TRAF3IP1: variants seen among roughly 807,000 people sequenced by gnomAD.
TRAF3IP1 encodes the protein intraflagellar transport 54.
Under a neutral mutation model 89.9 loss-of-function variants are expected in TRAF3IP1, and 53 were observed. The ratio of observed to expected loss-of-function variants is 0.59; its 90% CI spans 0.47 to 0.74. The LOEUF (loss-of-function observed/expected upper bound fraction) is 0.74. Ranked by LOEUF, TRAF3IP1 falls within the 30% of genes least tolerant of loss-of-function variation. The pLI is 0.00. For synonymous variants in TRAF3IP1, 311 were observed against 322.1 expected (o/e 0.97, Z 0.37); for missense variants, 806 against 866.1 (o/e 0.93, Z 0.87).
rs1294126318 is a variant in TRAF3IP1, at chr2:238,365,681, T to A, written c.1689+9601T>A. Reference sequence around the variant, plus strand: ...CAAAAAAATAAAATAAAAATAAAAATAAATAAATAAATAAAAATAAAAAGA... The same window carrying A: ...CAAAAAAATAAAATAAAAATAAAAAAAAATAAATAAATAAAAATAAAAAGA... On this transcript the variant is annotated intron_variant, in intron 15 of 16. Coordinates refer to ENST00000373327, the MANE Select transcript of TRAF3IP1 (RefSeq NM_015650.4). 7.3e-5 allele frequency among the ~76,000 whole-genome samples: 11 copies of A among 151,386 alleles called. No homozygotes were observed. In the East Asian group the frequency reaches 2.1e-3, roughly 29 times the overall value.
At chr2:238,343,646 CTTTTTTTT>C (rs34626636) in intron 8 of TRAF3IP1, among the ~76,000 whole-genome samples, 1 of 113,444 alleles carries the variant, frequency 8.8e-6, no homozygotes, top group Non-Finnish European at 1.8e-5. Context: ...TGTGCTTGGC[CTTTTTTTT>C]TTTTTTTTTT....
chr2:238,350,076 A>G (rs777729786), intron 12 of TRAF3IP1, among the ~76,000 whole-genome samples: 1 of 152,218 alleles, frequency 6.6e-6, no homozygotes, highest in Non-Finnish European at 1.5e-5. Context: ...CTCAAAAAAA[A>G]AAATAAAGTC....
At position 238,338,380 on chromosome 2, in the gene TRAF3IP1, T is replaced by C. The variant is rs78259781; in HGVS notation, c.1082T>C (p.Ile361Thr). 212 of 1,581,684 alleles carry C rather than the reference T, an allele frequency of 1.3e-4. 1 individual carries two copies. The African/African-American group carries it at 2.6e-3, about 19-fold the overall frequency. Residue 361 changes from isoleucine to threonine, a missense_variant, in exon 8 of 17, where the codon ATT becomes ACT. Coordinates refer to ENST00000373327, the MANE Select transcript of TRAF3IP1 (RefSeq NM_015650.4). The stretch of plus-strand genomic sequence containing the variant: ...ATGTCAGGAAGGAAGGAGGATAATA[T>C]TTCAGCTAAAAGTTTAGACTCCATA... ...NSVEGRKEDN[I>T]SAKSLDSIVS...
chr2:238,398,681 C>G, intron 16 of TRAF3IP1, 73 bp from the exon 17 acceptor site: 1 of 1,372,064 alleles, frequency 7.3e-7, no homozygotes, highest in East Asian at 2.5e-5. Flanking sequence ...TGTTGTCTTT[C>G]AATGTCTTAA....
intron 15 of TRAF3IP1, among the ~76,000 whole-genome samples, chr2:238,385,046 C>T (rs766437179): frequency 1.3e-5 from 2 of 151,816 alleles, no homozygotes; most frequent in Non-Finnish European, 2.9e-5. Flanking sequence ...GATGGACTCT[C>T]GCTCTGTCCC....
At chr2:238,384,547 TTTTTTTTTTTGTA>T (rs1700684719) in intron 15 of TRAF3IP1, among the ~76,000 whole-genome samples, 1 of 151,008 alleles carries the variant, frequency 6.6e-6, no homozygotes, top group African/African-American at 2.4e-5. Flanking sequence ...TAATTTTTTT[TTTTTTTTTTTGTA>T]TTTTTTTTTT....
intron 15 of TRAF3IP1, among the ~76,000 whole-genome samples, chr2:238,395,073 A>G (rs1229933247): frequency 6.6e-6 from 1 of 152,184 alleles, no homozygotes; most frequent in Non-Finnish European, 1.5e-5. Context: ...GGCTTCCTAA[A>G]GAAACAGTGT....
chr2:238,370,949 G>A (rs1700084136), intron 15 of TRAF3IP1, among the ~76,000 whole-genome samples: 1 of 152,166 alleles, frequency 6.6e-6, no homozygotes, highest in Non-Finnish European at 1.5e-5. Context: ...CTAACACCAG[G>A]GGGTGCTTTA....
At position 238,351,168 on chromosome 2, in the gene TRAF3IP1, AGT is replaced by A. The variant is rs2106324606; in HGVS notation, c.1452-1655_1452-1654del. Among the ~76,000 whole-genome samples the A allele has an allele frequency of 6.6e-6, 1 of 151,980 alleles. No individual in the cohort carries two copies. The highest frequency in any genetic ancestry group is 2.4e-5 in the African/African-American group (1 of 41,424). On this transcript the variant is annotated intron_variant, in intron 12 of 16. Transcript: ENST00000373327. The surrounding 1 kb of genome is among the most constrained non-coding windows in gnomAD (Gnocchi z 5.2). ...GGGGTGCCCCTGGGAGTGGGCGTCG[AGT>A]GTGGGAGGTGGGATCATCCCAGCAG... is the stretch of plus-strand genomic sequence containing the variant.
intron 9 of TRAF3IP1, 73 bp from the exon 10 acceptor site, chr2:238,347,382 A>C: frequency 1.3e-6 from 2 of 1,528,034 alleles, no homozygotes; most frequent in Non-Finnish European, 1.8e-6. Context: ...TTTTTCTCCA[A>C]TTCTGTTCTC....
intron 15 of TRAF3IP1, among the ~76,000 whole-genome samples, chr2:238,396,543 T>C (rs538945455): frequency 3.4e-5 from 5 of 148,096 alleles, no homozygotes; most frequent in African/African-American, 1.3e-4. Context: ...AATAAAAAAA[T>C]TAAAAAAAAA....
In TRAF3IP1 at chr2:238,386,881, C is replaced by T. The variant is rs149666865; in HGVS notation, c.1690-10578C>T. ...GGGTTTCTCATTCATCTTCCAAGGC[C>T]ATTCACGTTTATCTGTAAAAGTAGC... On this transcript the variant is annotated intron_variant, in intron 15 of 16. Transcript: ENST00000373327. 4.6e-4 allele frequency among the ~76,000 whole-genome samples: 70 copies of T among 152,234 alleles called. 1 individual carries two copies. The highest frequency in any genetic ancestry group is 1.5e-3 in the African/African-American group (64 of 41,538).
intron 12 of TRAF3IP1, among the ~76,000 whole-genome samples, chr2:238,350,028 A>G (rs1699077039): frequency 6.6e-6 from 1 of 152,106 alleles, no homozygotes; most frequent in Non-Finnish European, 1.5e-5. Flanking sequence ...CTGAGATTGC[A>G]CTGCTGTACT....
rs1479988999 is a variant in TRAF3IP1, at chr2:238,332,852, A to G, written c.944A>G (p.Lys315Arg). Residue 315 changes from lysine (K) to arginine (R), a missense_variant, in exon 6 of 17, where the codon AAG becomes AGG. By Grantham distance (26) the Lys-to-Arg change is conservative (BLOSUM62 2). Coordinates refer to ENST00000373327, the MANE Select transcript of TRAF3IP1 (RefSeq NM_015650.4). ...GCAAGCTCAGGGGAGATGTCTAAAA[A>G]GTTATCAGATGGAACTTTTAAAGAC... The part of the protein sequence containing the change: ...KSASSGEMSK[K>R]LSDGTFKDSK... The G allele has an allele frequency of 2.5e-6, 4 of 1,613,546 alleles. No homozygotes were observed. The highest frequency in any genetic ancestry group is 3.4e-6 in the Non-Finnish European group (4 of 1,179,644).
At chr2:238,326,138 G>C (rs1163911641) in intron 3 of TRAF3IP1, among the ~76,000 whole-genome samples, 168 bp downstream of exon 3, 1 of 152,254 alleles carries the variant, frequency 6.6e-6, no homozygotes, top group Admixed American at 6.5e-5. Flanking sequence ...CAGAGATACA[G>C]AAGGAGTAAT....
At chr2:238,381,590 C>T (rs74604791) in intron 15 of TRAF3IP1, among the ~76,000 whole-genome samples, 1 of 152,350 alleles carries the variant, frequency 6.6e-6, no homozygotes, top group African/African-American at 2.4e-5. Flanking sequence ...CTCCTCCAGT[C>T]ACTGAAGAGA....
intron 15 of TRAF3IP1, among the ~76,000 whole-genome samples, chr2:238,382,749 C>T (rs1398570317): frequency 1.3e-5 from 2 of 151,702 alleles, no homozygotes; most frequent in Admixed American, 1.3e-4. Flanking sequence ...CAAGAGAGTC[C>T]CACCCCTCCC....
At chr2:238,378,067 A>G (rs547452903) in intron 15 of TRAF3IP1, among the ~76,000 whole-genome samples, 5 of 152,100 alleles carry the variant, frequency 3.3e-5, no homozygotes, top group African/African-American at 1.2e-4. Flanking sequence ...TTACTTACTT[A>G]GGCATTTTTC....
At chr2:238,344,684 C>T (rs2106386580) in intron 9 of TRAF3IP1, 86 bp downstream of exon 9, 2 of 1,194,246 alleles carry the variant, frequency 1.7e-6, no homozygotes, top group East Asian at 4.8e-5. Context: ...CAGCCCAGAG[C>T]CCGAGGTTTT....
Sources: gnomAD v4.1 joint callset for allele counts (sites outside exome capture counted in the v4.1 genomes callset) on GRCh38, gnomAD v4.1.1 for gene constraint, Gnocchi (gnomAD v3.1) non-coding constraint, MANE v1.5 for transcripts, NCBI Gene and HGNC (gene_info 2026-07-23, HGNC 2026-07-21) for gene names.